PHACTR4: variants seen among roughly 807,000 people sequenced by gnomAD.
PHACTR4 encodes protein phosphatase 1, regulatory subunit 124.
In PHACTR4, 51 loss-of-function variants were observed where a neutral mutation model predicts 72.7. The ratio of observed to expected loss-of-function variants is 0.70; its 90% CI spans 0.56 to 0.89. The LOEUF is 0.89. PHACTR4 is among the 40% of genes least tolerant of loss of function. The probability of loss-of-function intolerance (pLI) is 0.00; values close to 1 mark genes in which losing one functional copy is unlikely to be tolerated. For missense variants in PHACTR4, 731 were observed against 861.8 expected (o/e 0.85, Z 1.90); for synonymous variants, 255 against 302.5 (o/e 0.84, Z 1.63).
At chr1:28,433,298 T>G (rs1181880390) in intron 2 of PHACTR4, among the ~76,000 whole-genome samples, 2 of 152,044 alleles carry the variant, frequency 1.3e-5, no homozygotes, top group Non-Finnish European at 2.9e-5. Context: ...ATGTCATTAG[T>G]GTGCCAGTAT....
chr1:28,474,870 T>C (rs1659823538), intron 7 of PHACTR4, among the ~76,000 whole-genome samples: 1 of 152,102 alleles, frequency 6.6e-6, no homozygotes, highest in Admixed American at 6.6e-5. Flanking sequence ...GTACAAAGAA[T>C]ACTCTGCCAA....
At chr1:28,483,894 T>G (rs1038997981) in intron 9 of PHACTR4, among the ~76,000 whole-genome samples, 1 of 150,160 alleles carries the variant, frequency 6.7e-6, no homozygotes, top group African/African-American at 2.5e-5. Context: ...AAGAACCAAA[T>G]AGTAAATATT....
intron 6 of PHACTR4, among the ~76,000 whole-genome samples, chr1:28,471,733 G>C (rs919115830): frequency 5.3e-5 from 8 of 151,994 alleles, no homozygotes; most frequent in Admixed American, 3.3e-4. Flanking sequence ...ACAGGGTGAA[G>C]GCTTCTCATC....
intron 1 of PHACTR4, among the ~76,000 whole-genome samples, chr1:28,404,274 TC>T (rs1654156367): frequency 1.6e-5 from 2 of 122,460 alleles, no homozygotes; most frequent in African/African-American, 6.7e-5. Flanking sequence ...TGTATGAACA[TC>T]CTTTTTTTTT....
chr1:28,470,586 C>T (rs548361797), intron 6 of PHACTR4, among the ~76,000 whole-genome samples: 2 of 151,612 alleles, frequency 1.3e-5, no homozygotes, highest in Non-Finnish European at 2.9e-5. Context: ...GTCCCAGCTA[C>T]TTGGGAGGCT....
At chr1:28,485,168 A>G (rs951383700) in intron 9 of PHACTR4, among the ~76,000 whole-genome samples, 1 of 152,186 alleles carries the variant, frequency 6.6e-6, no homozygotes, top group Non-Finnish European at 1.5e-5. Flanking sequence ...AGAGAGTAGA[A>G]AGATAGTTGT....
intron 2 of PHACTR4, among the ~76,000 whole-genome samples, chr1:28,427,059 C>G (rs887482987): frequency 3.9e-5 from 6 of 152,070 alleles, no homozygotes; most frequent in Non-Finnish European, 7.3e-5. Context: ...TGTAAATAAT[C>G]ATGTGTGGCT....
intron 2 of PHACTR4, among the ~76,000 whole-genome samples, chr1:28,427,079 A>G (rs948472598): frequency 6.6e-6 from 1 of 152,172 alleles, no homozygotes; most frequent in African/African-American, 2.4e-5. Flanking sequence ...TAGTGGCCAC[A>G]GTATTGGACA....
At chr1:28,410,740 CTT>C (rs967803647) in intron 2 of PHACTR4, among the ~76,000 whole-genome samples, 1 of 151,904 alleles carries the variant, frequency 6.6e-6, no homozygotes, top group African/African-American at 2.4e-5. Flanking sequence ...GAGTTTTGCT[CTT>C]GTCGCCAAGG....
intron 1 of PHACTR4, among the ~76,000 whole-genome samples, chr1:28,404,345 C>G (rs1004722949): frequency 7.0e-6 from 1 of 142,622 alleles, no homozygotes; most frequent in South Asian, 2.2e-4. Context: ...TGCAGTGGCG[C>G]GATCTCAGCT....
chr1:28,370,434 C>T (rs1300155043), intron 1 of PHACTR4, among the ~76,000 whole-genome samples: 1 of 152,124 alleles, frequency 6.6e-6, no homozygotes. Context: ...CCCCTCTCTC[C>T]CACCCTCTAC....
At chr1:28,388,551 A>G (rs1424685216) in intron 1 of PHACTR4, among the ~76,000 whole-genome samples, 1 of 152,060 alleles carries the variant, frequency 6.6e-6, no homozygotes, top group Non-Finnish European at 1.5e-5. Flanking sequence ...GTCTCTCACC[A>G]TCTTAAAAAA....
In PHACTR4 at chr1:28,407,459, A is replaced by G. The variant is rs749177255; in HGVS notation, c.12A>G (p.Pro4=). 1.2e-6 allele frequency: 2 copies of G among 1,607,830 alleles called. No individual in the cohort carries two copies. Among genetic ancestry groups the G allele is most frequent in the South Asian group, 1.1e-5 (1 of 90,678 alleles). Residue 4 remains proline, a synonymous_variant, in exon 2 of 14, where the codon CCA becomes CCG. Transcript: ENST00000373839. Reference sequence around the variant, plus strand: ...TGGTTAATAGTGGCATGGAAGATCCATTTGGTGAGTATCACCTACATTGTT... The same window carrying G: ...TGGTTAATAGTGGCATGGAAGATCCGTTTGGTGAGTATCACCTACATTGTT... MED[P]FEEADQPTTE... is the part of the protein sequence containing the mutation.
intron 6 of PHACTR4, 141 bp from the exon 7 acceptor site, chr1:28,473,413 A>T: frequency 3.0e-6 from 2 of 675,016 alleles, no homozygotes; most frequent in Non-Finnish European, 5.2e-6. Context: ...AGGATAAAAT[A>T]TATAGGGAAT....
Position 28,496,550 on chromosome 1 carries a change from T to C in PHACTR4, c.*1T>C. ...CTCTTTTAGCTACCATCGTCCATGATGCCAAAGGTTGAGAGAGGAATCAAC... is the reference window on the plus strand; with the variant it reads ...CTCTTTTAGCTACCATCGTCCATGACGCCAAAGGTTGAGAGAGGAATCAAC... On this transcript the variant is annotated 3_prime_UTR_variant, in exon 14 of 14. Coordinates refer to ENST00000373839, the MANE Select transcript of PHACTR4 (RefSeq NM_001048183.3). The C allele has an allele frequency of 6.2e-7, 1 of 1,613,968 alleles. No homozygotes were observed. The highest frequency in any genetic ancestry group is 8.5e-7 in the Non-Finnish European group (1 of 1,179,964).
At chr1:28,373,618 G>T (rs373449305) in intron 1 of PHACTR4, among the ~76,000 whole-genome samples, 1 of 151,782 alleles carries the variant, frequency 6.6e-6, no homozygotes, top group African/African-American at 2.4e-5. Flanking sequence ...ATAGAGACAG[G>T]TCTCGCCATG....
intron 2 of PHACTR4, among the ~76,000 whole-genome samples, chr1:28,458,800 C>T (rs1445586064): frequency 6.6e-6 from 1 of 152,164 alleles, no homozygotes; most frequent in African/African-American, 2.4e-5. Flanking sequence ...ATTTTGTATA[C>T]ATGCGCCTTT....
chr1:28,496,452 T>A, intron 13 of PHACTR4, 82 bp from the exon 14 acceptor site: 1 of 1,486,094 alleles, frequency 6.7e-7, no homozygotes, highest in Non-Finnish European at 9.4e-7. Context: ...TAATTAGGTA[T>A]AACATTTCAT....
At chr1:28,470,027 C>A (rs1017035657) in intron 6 of PHACTR4, among the ~76,000 whole-genome samples, 1 of 151,424 alleles carries the variant, frequency 6.6e-6, no homozygotes, top group Admixed American at 6.6e-5. Context: ...CCACTGTACT[C>A]CAACCTAGGC....
Sources: gnomAD v4.1 joint callset for allele counts (sites outside exome capture counted in the v4.1 genomes callset) on GRCh38, gnomAD v4.1.1 for gene constraint, MANE v1.5 for transcripts, NCBI Gene and HGNC (gene_info 2026-07-23, HGNC 2026-07-21) for gene names.